The following SNTG1 variants were observed in gnomAD, a reference collection of about 807,000 sequenced individuals.
The protein encoded by SNTG1 is syntrophin gamma 1.
A neutral mutation model predicts 74.7 loss-of-function variants in SNTG1; 39 were observed. That is an observed-to-expected ratio of 0.52 (90% CI 0.40 to 0.68). SNTG1 has a LOEUF of 0.68. SNTG1 is among the 30% of genes least tolerant of loss of function. The pLI is 0.00. For synonymous variants in SNTG1, 254 were observed against 217.1 expected (o/e 1.17, Z -1.49); for missense variants, 685 against 609.5 (o/e 1.12, Z -1.30).
intron 2 of SNTG1, among the ~76,000 whole-genome samples, chr8:50,213,614 T>C (rs1245443347): frequency 3.9e-5 from 6 of 152,032 alleles, no homozygotes; most frequent in Admixed American, 2.6e-4. Flanking sequence ...TTTTAATGAT[T>C]GCCATTCTAA....
chr8:50,145,549 A>G (rs1449455110), intron 1 of SNTG1, among the ~76,000 whole-genome samples: 1 of 152,164 alleles, frequency 6.6e-6, no homozygotes, highest in Non-Finnish European at 1.5e-5. Context: ...CTCAAGATGA[A>G]ACTCTAGGGA....
At chr8:50,068,665 C>T (rs963939663) in intron 1 of SNTG1, among the ~76,000 whole-genome samples, 2 of 152,128 alleles carry the variant, frequency 1.3e-5, no homozygotes, top group African/African-American at 2.4e-5. Flanking sequence ...AATGGATGCC[C>T]AATTGTGGTA....
chr8:50,561,020 G>A (rs1358174005), intron 12 of SNTG1, among the ~76,000 whole-genome samples: 1 of 152,154 alleles, frequency 6.6e-6, no homozygotes, highest in African/African-American at 2.4e-5. Flanking sequence ...GTAACTGAAT[G>A]ATTTGGTTTG....
At chr8:50,417,940 A>G (rs2093034759) in intron 4 of SNTG1, among the ~76,000 whole-genome samples, 1 of 151,678 alleles carries the variant, frequency 6.6e-6, no homozygotes, top group Non-Finnish European at 1.5e-5. Flanking sequence ...TTCCCACTGC[A>G]TTTGATGATT....
At chr8:50,024,551 C>G (rs1216000478) in intron 1 of SNTG1, among the ~76,000 whole-genome samples, 3 of 152,130 alleles carry the variant, frequency 2.0e-5, no homozygotes, top group Admixed American at 2.0e-4. Flanking sequence ...GAAACACGTT[C>G]CAGGACTTCC....
At chr8:49,934,402 C>A (rs908803470) in intron 1 of SNTG1, among the ~76,000 whole-genome samples, 1 of 151,950 alleles carries the variant, frequency 6.6e-6, no homozygotes, top group Non-Finnish European at 1.5e-5. Flanking sequence ...TGTAGACTTT[C>A]TTTGAGAGAA....
At chr8:49,934,280 G>T (rs894601528) in intron 1 of SNTG1, among the ~76,000 whole-genome samples, 4 of 146,390 alleles carry the variant, frequency 2.7e-5, no homozygotes, top group Non-Finnish European at 6.0e-5. Flanking sequence ...ATACTATATA[G>T]ATCTATCTAT....
intron 8 of SNTG1, among the ~76,000 whole-genome samples, chr8:50,488,394 T>C (rs2093818297): frequency 6.6e-6 from 1 of 152,212 alleles, no homozygotes; most frequent in African/African-American, 2.4e-5. Flanking sequence ...GAGTCTAGCA[T>C]GCCCTTTACC....
At chr8:50,513,137 C>T (rs2094098853) in intron 9 of SNTG1, among the ~76,000 whole-genome samples, 1 of 152,018 alleles carries the variant, frequency 6.6e-6, no homozygotes, top group African/African-American at 2.4e-5. Context: ...TTCTAACAGT[C>T]AGAACCCTCA....
At chr8:50,070,830 C>T (rs1237863887) in intron 1 of SNTG1, among the ~76,000 whole-genome samples, 1 of 152,108 alleles carries the variant, frequency 6.6e-6, no homozygotes, top group African/African-American at 2.4e-5. Context: ...CCATGGGTTG[C>T]CATTCTTGGT....
At chr8:49,921,675 T>C (rs1434447726) in intron 1 of SNTG1, among the ~76,000 whole-genome samples, 1 of 152,058 alleles carries the variant, frequency 6.6e-6, no homozygotes, top group Non-Finnish European at 1.5e-5. Flanking sequence ...GGTCTGTCTG[T>C]GGTGATTAAG....
chr8:50,408,691 G>T (rs1383563664), intron 4 of SNTG1, among the ~76,000 whole-genome samples: 1 of 152,168 alleles, frequency 6.6e-6, no homozygotes, highest in Non-Finnish European at 1.5e-5. Flanking sequence ...GCAAAATGTT[G>T]GTATCTGAAA....
intron 4 of SNTG1, among the ~76,000 whole-genome samples, chr8:50,413,433 G>C (rs1014189706): frequency 2.6e-5 from 4 of 152,104 alleles, no homozygotes; most frequent in African/African-American, 4.8e-5. Flanking sequence ...GTTTGAGAAA[G>C]TCTGCCATCT....
At chr8:50,440,128 A>G (rs2093344946) in intron 5 of SNTG1, among the ~76,000 whole-genome samples, 1 of 151,728 alleles carries the variant, frequency 6.6e-6, no homozygotes, top group African/African-American at 2.4e-5. Flanking sequence ...TGAATTAAAT[A>G]AGTATGAATT....
intron 2 of SNTG1, among the ~76,000 whole-genome samples, chr8:50,278,134 T>A (rs2088223208): frequency 6.6e-6 from 1 of 151,986 alleles, no homozygotes. Context: ...GATCGCACCA[T>A]TGCACTCTAG....
chr8:50,382,719 C>T (rs2092509447), intron 2 of SNTG1, among the ~76,000 whole-genome samples: 1 of 152,142 alleles, frequency 6.6e-6, no homozygotes, highest in South Asian at 2.1e-4. Flanking sequence ...AATAAAATCT[C>T]AGTGGCATAC....
At chr8:49,911,275 C>T (rs1198824748), upstream of SNTG1, 1 of 152,016 alleles carries the variant, frequency 6.6e-6, no homozygotes, top group Non-Finnish European at 1.5e-5. Flanking sequence ...AATTAAAGAT[C>T]CACGAGCTTT....
intron 9 of SNTG1, among the ~76,000 whole-genome samples, chr8:50,520,168 C>T (rs1162820853): frequency 6.6e-6 from 1 of 152,098 alleles, no homozygotes; most frequent in African/African-American, 2.4e-5. Context: ...TTTGACAAAC[C>T]TGACAAAAAC....
intron 17 of SNTG1, among the ~76,000 whole-genome samples, chr8:50,742,152 A>G (rs1004468513): frequency 6.6e-6 from 1 of 151,934 alleles, no homozygotes; most frequent in Non-Finnish European, 1.5e-5. Flanking sequence ...AAAATCATAC[A>G]CACACAAAAT....
Sources: gnomAD v4.1 joint callset for allele counts (sites outside exome capture counted in the v4.1 genomes callset) on GRCh38, gnomAD v4.1.1 for gene constraint, MANE v1.5 for transcripts, NCBI Gene and HGNC (gene_info 2026-07-23, HGNC 2026-07-21) for gene names.